ZNF730: variants seen among roughly 807,000 people sequenced by gnomAD.
ZNF730 encodes zinc finger protein 730.
A neutral mutation model predicts 12.6 loss-of-function variants in ZNF730; 12 were observed. The observed-to-expected ratio is 0.95, with a 90% CI of 0.61 to 1.54. The LOEUF (loss-of-function observed/expected upper bound fraction) is 1.54. ZNF730 is among the 40% of genes most tolerant of loss of function. ZNF730 has a pLI of 0.00. For missense variants in ZNF730, 643 were observed against 583.5 expected (o/e 1.10, Z -1.05); for synonymous variants, 194 against 195.8 (o/e 0.99, Z 0.08).
At chr19:23,096,381 T>C (rs1487309810) in intron 1 of ZNF730, among the ~76,000 whole-genome samples, 1 of 152,190 alleles carries the variant, frequency 6.6e-6, no homozygotes, top group African/African-American at 2.4e-5. Flanking sequence ...ACCTAGGTAA[T>C]GCAACTCTCC....
chr19:23,087,746 G>A lies in ZNF730; in HGVS notation c.-94+12359G>A, dbSNP rs541465770. Among the ~76,000 whole-genome samples, 4 of 151,354 alleles carry A rather than the reference G, an allele frequency of 2.6e-5. No homozygotes were observed. In the East Asian group the frequency reaches 8.0e-4, roughly 30 times the overall value. ...TTCTCCTGCCTCAGCCTCCCAAGTA[G>A]CTGGGATTACAGGCATGCGCCACCA... is the stretch of plus-strand genomic sequence containing the variant. On this transcript the variant is annotated intron_variant, in intron 1 of 2. Coordinates refer to the ZNF730 transcript ENST00000593635.
chr19:23,107,073 G>GT (rs71163445), intron 1 of ZNF730, among the ~76,000 whole-genome samples: 85,632 of 142,818 alleles, frequency 0.6, 26,887 homozygotes, highest in East Asian at 0.83. Flanking sequence ...GCATGTTTTT[G>GT]TTTTTTTTTT....
chr19:23,124,592 G>T (rs188405600), intron 1 of ZNF730, among the ~76,000 whole-genome samples: 1 of 152,302 alleles, frequency 6.6e-6, no homozygotes, highest in Admixed American at 6.5e-5. Flanking sequence ...AAACATTTGA[G>T]AATATCCAGA....
chr19:23,134,168 A>G lies in ZNF730; in HGVS notation c.92A>G (p.Asn31Ser), dbSNP rs776476513. ...ACCGAACAACAGAATTTATATAGAAATGTAATGTTAGATAACTACAGAAAC... is the reference window on the plus strand; with the variant it reads ...ACCGAACAACAGAATTTATATAGAAGTGTAATGTTAGATAACTACAGAAAC... ...LDTEQQNLYR[N>S]VMLDNYRNLV... is the part of the protein sequence containing the mutation. Residue 31 changes from asparagine (N) to serine (S), a missense_variant, in exon 2 of 4, where the codon AAT (asparagine) becomes AGT (serine). By Grantham distance (46) the Asn-to-Ser change is conservative. Coordinates refer to ENST00000597761, the MANE Select transcript of ZNF730 (RefSeq NM_001277403.2). The G allele has an allele frequency of 3.1e-6, 5 of 1,612,612 alleles. No individual in the cohort carries two copies. The Admixed American group carries it at 8.4e-5, about 27-fold the overall frequency.
intron 1 of ZNF730, among the ~76,000 whole-genome samples, chr19:23,081,231 GC>G (rs1035532543): frequency 2.0e-5 from 3 of 148,594 alleles, no homozygotes; most frequent in African/African-American, 7.5e-5. Context: ...TGCAAACTCT[GC>G]CTCCTGGGTT....
intron 1 of ZNF730, among the ~76,000 whole-genome samples, chr19:23,077,157 G>C (rs1250046668): frequency 6.6e-6 from 1 of 152,064 alleles, no homozygotes; most frequent in Admixed American, 6.6e-5. Context: ...GACACAGAGG[G>C]GAACAATCCA....
intron 1 of ZNF730, among the ~76,000 whole-genome samples, chr19:23,089,843 C>G (rs1970126688): frequency 6.6e-6 from 1 of 152,124 alleles, no homozygotes; most frequent in Non-Finnish European, 1.5e-5. Context: ...AAGGTTGGAA[C>G]AGTTTGGAGG....
At chr19:23,116,652 C>T (rs1392672088), upstream of ZNF730, among the ~76,000 whole-genome samples, 1 of 150,694 alleles carries the variant, frequency 6.6e-6, no homozygotes, top group Non-Finnish European at 1.5e-5. Context: ...AACTCCTGAC[C>T]TCAGATGATC....
chr19:23,084,751 T>C (rs534591509), intron 1 of ZNF730, among the ~76,000 whole-genome samples: 1 of 152,314 alleles, frequency 6.6e-6, no homozygotes, highest in South Asian at 2.1e-4. Flanking sequence ...CTAGGGATAA[T>C]GGCCTCCAGC....
chr19:23,106,472 A>C (rs1157841528), intron 1 of ZNF730, among the ~76,000 whole-genome samples: 1 of 152,200 alleles, frequency 6.6e-6, no homozygotes, highest in Non-Finnish European at 1.5e-5. Context: ...ACCTAATAGA[A>C]ATGTATTACC....
At chr19:23,141,103 A>G (rs999489431) in intron 3 of ZNF730, among the ~76,000 whole-genome samples, 3 of 152,036 alleles carry the variant, frequency 2.0e-5, no homozygotes, top group Non-Finnish European at 4.4e-5. Context: ...TCTTTCCAAA[A>G]AAAAATTTAG....
chr19:23,111,724 G>A (rs1235911375), intron 1 of ZNF730, among the ~76,000 whole-genome samples: 1 of 152,056 alleles, frequency 6.6e-6, no homozygotes, highest in East Asian at 1.9e-4. Context: ...ACTCCAGTCT[G>A]GAGATAGAAC....
chr19:23,120,408 G>A (rs1468382207), intron 1 of ZNF730, among the ~76,000 whole-genome samples: 3 of 151,384 alleles, frequency 2.0e-5, no homozygotes, highest in Non-Finnish European at 2.9e-5. Flanking sequence ...ATGGGAAGAT[G>A]GATTTTTCCA....
At chr19:23,112,556 TA>T (rs1180528616), upstream of ZNF730, among the ~76,000 whole-genome samples, 4 of 151,992 alleles carry the variant, frequency 2.6e-5, no homozygotes, top group Admixed American at 6.6e-5. Flanking sequence ...ACCCCATCTC[TA>T]CTAAAAATAC....
upstream of ZNF730, among the ~76,000 whole-genome samples, chr19:23,116,573 CTTTTTTTTT>C (rs5827552): frequency 2.3e-5 from 2 of 86,932 alleles, no homozygotes; most frequent in African/African-American, 9.0e-5. Context: ...CTCCCAGCTA[CTTTTTTTTT>C]TTTTTTTTTT....
Position 23,117,073 on chromosome 19 carries a change from T to A in ZNF730, c.-101T>A, listed in dbSNP as rs1377446268. 2.5e-6 allele frequency: 4 copies of A among 1,584,046 alleles called. No homozygotes were observed. Among genetic ancestry groups the A allele is most frequent in the Non-Finnish European group, 3.4e-6 (4 of 1,159,674 alleles). On this transcript the variant is annotated 5_prime_UTR_variant, in exon 1 of 4. It adds an upstream start codon to the 5' untranslated region. Coordinates refer to ENST00000597761, the MANE Select transcript of ZNF730 (RefSeq NM_001277403.2). ...AAGCTCCAATTTTCGTCTGTCTGCT[T>A]TGTGTCCTCTGCACGTAGAAGCCCA...
rs192910392 is a variant in ZNF730 at position 23,082,742 on chromosome 19, C to T, written c.-94+7355C>T. 2.6e-5 allele frequency among the ~76,000 whole-genome samples: 4 copies of T among 152,030 alleles called. No homozygotes were observed. In the East Asian group the frequency reaches 7.8e-4, roughly 30 times the overall value. ...TTGAGACAAAATCTCGCTCTTGTTACCCAGGCTGGAGTGCAATGGCGTGAT... is the reference window on the plus strand; with the variant it reads ...TTGAGACAAAATCTCGCTCTTGTTATCCAGGCTGGAGTGCAATGGCGTGAT... On this transcript the variant is annotated intron_variant, in intron 1 of 2. Transcript: ENST00000593635.
chr19:23,145,355 A>G lies in ZNF730; in HGVS notation c.311A>G (p.Lys104Arg), dbSNP rs1346405342. Residue 104 changes from lysine to arginine, a missense_variant, in exon 4 of 4, where the codon AAA becomes AGA. Physicochemically the swap from Lys to Arg is conservative, Grantham distance 26. Coordinates refer to ENST00000597761, the MANE Select transcript of ZNF730 (RefSeq NM_001277403.2). ...CAAGAAGTCATACTGAGACAATATAAAAAATGTAGACATGAGAATTTACTG... is the reference window on the plus strand; with the variant it reads ...CAAGAAGTCATACTGAGACAATATAGAAAATGTAGACATGAGAATTTACTG... Reference protein sequence around the residue: ...YFQEVILRQYKKCRHENLLLR... With the variant: ...YFQEVILRQYRKCRHENLLLR... The G allele has an allele frequency of 6.3e-6, 10 of 1,595,848 alleles. No individual in the cohort carries two copies. Among genetic ancestry groups the G allele is most frequent in the Non-Finnish European group, 8.5e-6 (10 of 1,171,958 alleles).
At chr19:23,085,304 CTTTG>C (rs922555726) in intron 1 of ZNF730, among the ~76,000 whole-genome samples, 24 of 151,392 alleles carry the variant, frequency 1.6e-4, no homozygotes, top group African/African-American at 5.1e-4. Flanking sequence ...CTTTACCCAC[CTTTG>C]TTTGTTTTTT....
Sources: allele counts gnomAD v4.1 joint callset (sites outside exome capture counted in the v4.1 genomes callset), GRCh38; gene constraint gnomAD v4.1.1; transcripts MANE v1.5; gene names NCBI Gene and HGNC (gene_info 2026-07-23, HGNC 2026-07-21).